The following ADAMTS6 variants were observed in gnomAD, a reference collection of about 807,000 sequenced individuals.
ADAMTS6 encodes the protein A disintegrin and metalloproteinase with thrombospondin motifs 6.
In ADAMTS6, 23 loss-of-function variants were observed where a neutral mutation model predicts 144.3. The ratio of observed to expected loss-of-function variants is 0.16; its 90% confidence interval spans 0.11 to 0.23. The LOEUF is 0.23. Ranked by LOEUF, ADAMTS6 falls within the 10% of genes least tolerant of loss-of-function variation. The pLI, the probability that ADAMTS6 is intolerant of heterozygous loss-of-function variation, is 1.00. For synonymous variants in ADAMTS6, 444 were observed against 457.5 expected (o/e 0.97, Z 0.38); for missense variants, 999 against 1,379.6 (o/e 0.72, Z 4.37).
intron 11 of ADAMTS6, among the ~76,000 whole-genome samples, chr5:65,290,574 A>G (rs535490986): frequency 6.6e-6 from 1 of 152,252 alleles, no homozygotes; most frequent in East Asian, 1.9e-4. Context: ...AGAAAAAAAA[A>G]TCAAGGCTCT....
chr5:65,204,135 C>T (rs1286532887), intron 20 of ADAMTS6, among the ~76,000 whole-genome samples: 1 of 152,150 alleles, frequency 6.6e-6, no homozygotes, highest in Admixed American at 6.5e-5. Flanking sequence ...CAATCCACAA[C>T]ATGCAGAAGT....
intron 7 of ADAMTS6, among the ~76,000 whole-genome samples, chr5:65,396,487 T>C (rs531528050): frequency 1.3e-5 from 2 of 152,348 alleles, no homozygotes; most frequent in East Asian, 3.9e-4. Context: ...ACTCTTAATC[T>C]AACCCATCTC....
At chr5:65,468,084 C>G (rs1377740013) in intron 3 of ADAMTS6, among the ~76,000 whole-genome samples, 2 of 151,842 alleles carry the variant, frequency 1.3e-5, no homozygotes, top group African/African-American at 4.8e-5. Context: ...GAGTAAGAAA[C>G]CATGGTCCAA....
intron 18 of ADAMTS6, among the ~76,000 whole-genome samples, chr5:65,220,603 C>T (rs1366449654): frequency 2.0e-5 from 3 of 152,010 alleles, no homozygotes; most frequent in Non-Finnish European, 4.4e-5. Context: ...AAAAATTAGC[C>T]GGGCGTCAAC....
chr5:65,454,286 A>T (rs1424811002), intron 4 of ADAMTS6, among the ~76,000 whole-genome samples: 1 of 152,192 alleles, frequency 6.6e-6, no homozygotes, highest in Admixed American at 6.5e-5. Flanking sequence ...AGCAGCAAGA[A>T]ATGTGCTAAG....
intron 20 of ADAMTS6, among the ~76,000 whole-genome samples, chr5:65,198,241 A>C (rs1755514570): frequency 1.3e-5 from 2 of 152,174 alleles, no homozygotes; most frequent in African/African-American, 4.8e-5. Flanking sequence ...TTACCCAGAA[A>C]GAGTTGTAAA....
chr5:65,254,303 T>C (rs901959244), intron 14 of ADAMTS6, among the ~76,000 whole-genome samples: 1 of 152,058 alleles, frequency 6.6e-6, no homozygotes, highest in African/African-American at 2.4e-5. Context: ...TCCGCAAAAT[T>C]GCACACTAAA....
At chr5:65,220,695 C>T (rs904383143) in intron 18 of ADAMTS6, among the ~76,000 whole-genome samples, 1 of 151,784 alleles carries the variant, frequency 6.6e-6, no homozygotes, top group Admixed American at 6.6e-5. Flanking sequence ...TGCAGTGAGC[C>T]GAGATTGCGC....
chr5:65,161,515 A>C (rs1264857266), intron 24 of ADAMTS6, among the ~76,000 whole-genome samples: 1 of 152,210 alleles, frequency 6.6e-6, no homozygotes. Flanking sequence ...GCCTTGATGG[A>C]AAATGTTACC....
intron 7 of ADAMTS6, among the ~76,000 whole-genome samples, chr5:65,433,945 A>G (rs1757189045): frequency 6.6e-6 from 1 of 152,190 alleles, no homozygotes; most frequent in Non-Finnish European, 1.5e-5. Context: ...TCCACACAAA[A>G]ACTCCCACAT....
chr5:65,275,175 T>C (rs1384591737), intron 11 of ADAMTS6, among the ~76,000 whole-genome samples: 5 of 118,672 alleles, frequency 4.2e-5, no homozygotes, highest in Admixed American at 2.3e-4. Flanking sequence ...AACTGCACCA[T>C]TGCACTCCAG....
At chr5:65,383,923 A>G (rs1440396937) in intron 7 of ADAMTS6, among the ~76,000 whole-genome samples, 1 of 152,146 alleles carries the variant, frequency 6.6e-6, no homozygotes, top group Non-Finnish European at 1.5e-5. Flanking sequence ...CTACTGCATG[A>G]ACACCAGCGT....
intron 7 of ADAMTS6, among the ~76,000 whole-genome samples, chr5:65,423,983 T>TA (rs1001509683): frequency 6.6e-6 from 1 of 151,936 alleles, no homozygotes; most frequent in African/African-American, 2.4e-5. Context: ...ATATCACGAT[T>TA]AAAAAAAACA....
chr5:65,265,561 C>A (rs1761551928), intron 12 of ADAMTS6, among the ~76,000 whole-genome samples: 2 of 152,052 alleles, frequency 1.3e-5, no homozygotes, highest in Admixed American at 6.6e-5. Context: ...ATAGTCCTGG[C>A]CAGCAATTAA....
chr5:65,440,038 C>T (rs1757746104), intron 7 of ADAMTS6, among the ~76,000 whole-genome samples: 1 of 152,052 alleles, frequency 6.6e-6, no homozygotes, highest in Admixed American at 6.6e-5. Context: ...GAACTCCTGA[C>T]CTCAAGTGAT....
intron 20 of ADAMTS6, among the ~76,000 whole-genome samples, chr5:65,213,801 TAAAA>T (rs1207969637): frequency 2.1e-4 from 32 of 152,270 alleles, no homozygotes; most frequent in African/African-American, 7.5e-4. Flanking sequence ...CTGCATAGTT[TAAAA>T]AAGGAGTATA....
At chr5:65,460,613 A>G (rs985088704) in intron 3 of ADAMTS6, among the ~76,000 whole-genome samples, 2 of 152,212 alleles carry the variant, frequency 1.3e-5, no homozygotes, top group Non-Finnish European at 2.9e-5. Flanking sequence ...TCTGTGAGGT[A>G]ACAGATTTTA....
chr5:65,248,466 A>G (rs1183115152), intron 14 of ADAMTS6, among the ~76,000 whole-genome samples: 1 of 152,110 alleles, frequency 6.6e-6, no homozygotes, highest in African/African-American at 2.4e-5. Flanking sequence ...TTAAAATGCC[A>G]TCTACCTACA....
chr5:65,355,661 T>C (rs1430397022), intron 7 of ADAMTS6, among the ~76,000 whole-genome samples: 2 of 151,874 alleles, frequency 1.3e-5, no homozygotes, highest in East Asian at 1.9e-4. Flanking sequence ...GGATTTACTC[T>C]ATCTATGGGA....
Sources: gnomAD v4.1 joint callset for allele counts (sites outside exome capture counted in the v4.1 genomes callset) on GRCh38, gnomAD v4.1.1 for gene constraint, MANE v1.5 for transcripts, NCBI Gene and HGNC (gene_info 2026-07-23, HGNC 2026-07-21) for gene names.